DNA2: variants seen among roughly 807,000 people sequenced by gnomAD.
The protein encoded by DNA2 is DNA replication helicase/nuclease 2, also known as DNA replication ATP-dependent helicase/nuclease DNA2.
In DNA2, 101 loss-of-function variants were observed where a neutral mutation model predicts 119.1. The ratio of observed to expected loss-of-function variants is 0.85; its 90% CI spans 0.72 to 1.00. DNA2 has a LOEUF of 1.00. Among genes scored for constraint, DNA2 ranks in the 50% least tolerant of loss-of-function variants. The pLI, the probability that DNA2 is intolerant of heterozygous loss-of-function variation, is 0.00. For missense variants in DNA2, 1,121 were observed against 1,255.5 expected (o/e 0.89, Z 1.62); for synonymous variants, 366 against 424.4 (o/e 0.86, Z 1.69).
intron 5 of DNA2, among the ~76,000 whole-genome samples, chr10:68,458,503 C>T (rs977607645): frequency 6.7e-6 from 1 of 148,818 alleles, no homozygotes; most frequent in Non-Finnish European, 1.5e-5. Context: ...CACTGCACTC[C>T]AGCCTGGGCA....
chr10:68,419,175 C>A lies in DNA2; in HGVS notation c.2826G>T (p.Pro942=). The part of the protein sequence containing the change: ...CSPSDIGIIA[P]YRQQLKIIND... The stretch of plus-strand genomic sequence containing the variant: ...TGATGATCTTTAATTGCTGCCTGTA[C>A]GGTGCAATAATACCAATATCAGAGG... Residue 942 remains proline, a synonymous_variant, in exon 19 of 21, where the codon CCG becomes CCT. Coordinates refer to ENST00000358410, the MANE Select transcript of DNA2 (RefSeq NM_001080449.3). 6.2e-7 allele frequency: 1 copy of A among 1,610,442 alleles called. No individual in the cohort carries two copies. The highest frequency in any genetic ancestry group is 8.5e-7 in the Non-Finnish European group (1 of 1,178,606).
intron 9 of DNA2, among the ~76,000 whole-genome samples, chr10:68,438,217 A>G (rs1037510689): frequency 3.3e-5 from 5 of 152,094 alleles, no homozygotes; most frequent in Non-Finnish European, 1.5e-5. Context: ...CTGCTCCCAA[A>G]TGCAATATAA....
intron 2 of DNA2, among the ~76,000 whole-genome samples, chr10:68,469,210 C>T (rs1277780263): frequency 1.3e-5 from 2 of 150,032 alleles, no homozygotes; most frequent in Admixed American, 6.7e-5. Flanking sequence ...ATTAATTTTG[C>T]TTTTAGTTAA....
rs191945863 is a variant in DNA2, at chr10:68,434,212, C to G, written c.1647-1702G>C. ...ATCGCTTGAGCCTGGGAGGCAGAGG[C>G]TGCAGTGAACTGAGATCGTGCTACT... On this transcript the variant is annotated intron_variant, in intron 10 of 20. Coordinates refer to ENST00000358410, the MANE Select transcript of DNA2 (RefSeq NM_001080449.3). Among the ~76,000 whole-genome samples the G allele has an allele frequency of 5.2e-3, 792 of 151,950 alleles. 8 individuals are homozygous for G. Among genetic ancestry groups the G allele is most frequent in the African/African-American group, 0.018 (736 of 41,422 alleles).
At chr10:68,464,540 A>C (rs2052301721) in intron 4 of DNA2, among the ~76,000 whole-genome samples, 1 of 150,858 alleles carries the variant, frequency 6.6e-6, no homozygotes, top group African/African-American at 2.4e-5. Flanking sequence ...CAAAACAAAA[A>C]CTGGTAAGGT....
chr10:68,429,573 G>T (rs1337932653), intron 14 of DNA2, among the ~76,000 whole-genome samples: 1 of 146,714 alleles, frequency 6.8e-6, no homozygotes, highest in Non-Finnish European at 1.5e-5. Context: ...TTAGTCAGGC[G>T]TGGTGGCGGG....
rs199644805 is a variant in DNA2 at position 68,437,482 on chromosome 10, A to AAC, written c.1416-242_1416-241insGT. On this transcript the variant is annotated intron_variant, in intron 9 of 20. Transcript: ENST00000358410. ...GAAAACCCTATCTCTACTAAAAAAA[A>AAC]AAAAATAAAAATAAAAAATTAGCCA... 0.063 allele frequency among the ~76,000 whole-genome samples: 9,572 copies of AAC among 151,162 alleles called. 989 individuals carry two copies. The highest frequency in any genetic ancestry group is 0.22 in the African/African-American group (9,005 of 41,102).
chr10:68,418,758 C>T (rs2051625896), intron 19 of DNA2, among the ~76,000 whole-genome samples: 1 of 150,960 alleles, frequency 6.6e-6, no homozygotes, highest in Admixed American at 6.6e-5. Context: ...CTGCAACCTC[C>T]ACCTCCTGGG....
chr10:68,435,884 C>T (rs2051882670), intron 10 of DNA2, among the ~76,000 whole-genome samples: 1 of 152,110 alleles, frequency 6.6e-6, no homozygotes, highest in African/African-American at 2.4e-5. Context: ...GCCCAGCATG[C>T]AAGGAGAAAT....
At chr10:68,454,194 C>T (rs559547090) in intron 5 of DNA2, among the ~76,000 whole-genome samples, 32 of 152,276 alleles carry the variant, frequency 2.1e-4, no homozygotes, top group Admixed American at 8.5e-4. Context: ...TCATCTACCA[C>T]CAATACACTG....
chr10:68,442,867 T>C (rs2133397827), intron 9 of DNA2, 50 bp downstream of exon 9: 3 of 1,470,638 alleles, frequency 2.0e-6, no homozygotes, highest in Middle Eastern at 1.9e-4. Flanking sequence ...GGCCACCTCA[T>C]TCACTAATCC....
At chr10:68,416,472 AAAT>A (rs1411657051) in intron 20 of DNA2, 2 of 390,234 alleles carry the variant, frequency 5.1e-6, no homozygotes, top group African/African-American at 2.0e-5. Context: ...TATATAAAAT[AAAT>A]AATACTCCAT....
rs1446512162 is a variant in DNA2 at position 68,425,643 on chromosome 10, C to T, written c.2209-2753G>A. Among the ~76,000 whole-genome samples, 6 of 151,752 alleles carry T rather than the reference C, an allele frequency of 4.0e-5. No individual in the cohort carries two copies. In the South Asian group the frequency reaches 6.3e-4, roughly 16 times the overall value. ...GTCTCCATCTCCTGACCTCGTGATC[C>T]GCCTGCCTCGGCCTCCCAAAGTGCT... On this transcript the variant is annotated intron_variant, in intron 14 of 20. Transcript: ENST00000358410.
chr10:68,449,973 CAAA>C (rs57883442), intron 6 of DNA2, 52 bp downstream of exon 6: 6,427 of 957,878 alleles, frequency 6.7e-3, no homozygotes, highest in Middle Eastern at 8.1e-3. Flanking sequence ...GACTCTGTCT[CAAA>C]AAAAAAAAAA....
At chr10:68,462,720 G>A (rs932598995) in intron 4 of DNA2, among the ~76,000 whole-genome samples, 3 of 152,264 alleles carry the variant, frequency 2.0e-5, no homozygotes, top group Non-Finnish European at 2.9e-5. Context: ...AGCAAGTCAC[G>A]GTTAATTAAG....
In DNA2 at chr10:68,432,438, G is replaced by C. The variant is rs1295862594; in HGVS notation, c.1719C>G (p.Thr573=). ...DQEEKNCDID[T]PLGNLSKLME... Reference sequence around the variant, plus strand: ...TCAATTTGGAAAGATTTCCTAATGGGGTATCTATATCACAATTTTTTTCTT... The same window carrying C: ...TCAATTTGGAAAGATTTCCTAATGGCGTATCTATATCACAATTTTTTTCTT... The change falls in exon 11 of 21, where the codon ACC becomes ACG. Residue 573 remains threonine, a synonymous_variant. Coordinates refer to ENST00000358410, the MANE Select transcript of DNA2 (RefSeq NM_001080449.3). 1.9e-6 allele frequency: 3 copies of C among 1,597,276 alleles called. No individual in the cohort carries two copies. Among genetic ancestry groups the C allele is most frequent in the Non-Finnish European group, 2.6e-6 (3 of 1,171,570 alleles).
intron 6 of DNA2, among the ~76,000 whole-genome samples, chr10:68,449,722 G>A (rs1231612131): frequency 6.6e-6 from 1 of 152,098 alleles, no homozygotes; most frequent in East Asian, 1.9e-4. Context: ...AGACCAGCCT[G>A]GCCAACATAG....
intron 14 of DNA2, among the ~76,000 whole-genome samples, chr10:68,428,964 C>A (rs1186085384): frequency 6.6e-6 from 1 of 152,126 alleles, no homozygotes; most frequent in African/African-American, 2.4e-5. Flanking sequence ...GGGACACAGG[C>A]TCTCTCTAGT....
chr10:68,423,561 G>T (rs1333761401), intron 14 of DNA2, among the ~76,000 whole-genome samples: 1 of 152,160 alleles, frequency 6.6e-6, no homozygotes, highest in African/African-American at 2.4e-5. Flanking sequence ...AATATCACTG[G>T]AAAAAAAGTA....
Sources: allele counts gnomAD v4.1 joint callset (sites outside exome capture counted in the v4.1 genomes callset), GRCh38; gene constraint gnomAD v4.1.1; transcripts MANE v1.5; gene names NCBI Gene and HGNC (gene_info 2026-07-23, HGNC 2026-07-21).